The following DCAF8L2 variants were observed in gnomAD, a reference collection of about 807,000 sequenced individuals.
DCAF8L2 encodes the protein DDB1 and CUL4 associated factor 8 like 2, also known as DDB1- and CUL4-associated factor 8-like protein 2.
For missense variants in DCAF8L2, 430 were observed against 490.7 expected, an observed-to-expected ratio of 0.88 and a Z score of 1.17; for synonymous variants, 200 against 190.9, an observed-to-expected ratio of 1.05 and a Z score of -0.39.
intron 1 of DCAF8L2, among the ~76,000 whole-genome samples, chrX:27,596,190 T>C (rs143162345): frequency 1.1e-3 from 122 of 112,241 alleles, no homozygotes; most frequent in African/African-American, 3.7e-3. Context: ...GTTTTAATAA[T>C]GTTTATTTTG....
intron 2 of DCAF8L2, among the ~76,000 whole-genome samples, chrX:27,668,246 T>C (rs1329553872): frequency 1.8e-5 from 2 of 112,003 alleles, no homozygotes; most frequent in Admixed American, 9.5e-5. Context: ...CCAGCTAACA[T>C]GTTTGTCAGC....
At position 27,749,919 on chromosome X, in the gene DCAF8L2, A is replaced by G. The variant is rs1261221821; in HGVS notation, c.*1128A>G. Among the ~76,000 whole-genome samples the G allele has an allele frequency of 8.9e-6, 1 of 111,905 alleles. No individual in the cohort carries two copies. Among genetic ancestry groups the G allele is most frequent in the Non-Finnish European group, 1.9e-5 (1 of 53,259 alleles). The stretch of plus-strand genomic sequence containing the variant: ...GTACTGGATGTCCAATTACTGCTCA[A>G]TAAAAATATTTGTTTTTATTTTATA... On this transcript the variant is annotated 3_prime_UTR_variant, in exon 5 of 5. Coordinates refer to ENST00000451261, the MANE Select transcript of DCAF8L2 (RefSeq NM_001353450.2).
intron 1 of DCAF8L2, among the ~76,000 whole-genome samples, chrX:27,592,683 C>T (rs1188787128): frequency 3.6e-5 from 4 of 110,761 alleles, no homozygotes; most frequent in South Asian, 3.8e-4. Context: ...GTGATCTGCC[C>T]GCCTCAGCCT....
At chrX:27,609,618 C>T (rs1441866786) in intron 1 of DCAF8L2, among the ~76,000 whole-genome samples, 3 of 111,690 alleles carry the variant, frequency 2.7e-5, no homozygotes, top group Non-Finnish European at 5.6e-5. Flanking sequence ...TTCCCATTCT[C>T]AGGTCACTGG....
intron 4 of DCAF8L2, among the ~76,000 whole-genome samples, chrX:27,718,395 T>A (rs1307988665): frequency 8.9e-6 from 1 of 112,349 alleles, no homozygotes; most frequent in Non-Finnish European, 1.9e-5. Flanking sequence ...ACAATTTGTT[T>A]ATTCAATCAC....
the DCAF8L2 span, among the ~76,000 whole-genome samples, chrX:27,486,599 T>C: frequency 3.4e-4 from 38 of 111,803 alleles, no homozygotes; most frequent in Non-Finnish European, 5.5e-4. Context: ...CACACAAATC[T>C]CATTTTTGAA....
At chrX:27,566,996 G>C in the DCAF8L2 span, among the ~76,000 whole-genome samples, 1 of 111,416 alleles carries the variant, frequency 9.0e-6, no homozygotes, top group Non-Finnish European at 1.9e-5. Flanking sequence ...TTGTTCAAGA[G>C]TGTGTTGTTT....
chrX:27,591,799 A>G (rs953381488), intron 1 of DCAF8L2, among the ~76,000 whole-genome samples: 4 of 112,062 alleles, frequency 3.6e-5, no homozygotes, highest in African/African-American at 9.7e-5. Flanking sequence ...CTTTTTAACT[A>G]TGTCTGACTG....
chrX:27,509,884 A>G, the DCAF8L2 span, among the ~76,000 whole-genome samples: 1 of 111,990 alleles, frequency 8.9e-6, no homozygotes, highest in African/African-American at 3.2e-5. Flanking sequence ...AATAATATCT[A>G]TAAATAAAAG....
chrX:27,539,667 C>CA, the DCAF8L2 span, among the ~76,000 whole-genome samples: 1 of 111,063 alleles, frequency 9.0e-6, no homozygotes, highest in Non-Finnish European at 1.9e-5. Flanking sequence ...TGTGTGTATG[C>CA]ACACAGACAC....
At chrX:27,728,165 G>A (rs1434652897) in intron 4 of DCAF8L2, among the ~76,000 whole-genome samples, 1 of 111,205 alleles carries the variant, frequency 9.0e-6, no homozygotes, top group Non-Finnish European at 1.9e-5. Context: ...TGCACCTTAG[G>A]GAGGTTCAAC....
intron 3 of DCAF8L2, among the ~76,000 whole-genome samples, chrX:27,704,239 T>C (rs7472514): frequency 0.47 from 44,374 of 95,239 alleles, 9,336 homozygotes; most frequent in African/African-American, 0.6. Flanking sequence ...TGTACACACG[T>C]GCGCACATAC....
intron 1 of DCAF8L2, among the ~76,000 whole-genome samples, chrX:27,616,594 A>G (rs1428619285): frequency 8.9e-6 from 1 of 111,766 alleles, no homozygotes; most frequent in Non-Finnish European, 1.9e-5. Context: ...GTAACTAAAC[A>G]TAAAGCTTAA....
At chrX:27,669,033 C>T (rs1457970159) in intron 2 of DCAF8L2, among the ~76,000 whole-genome samples, 2 of 110,912 alleles carry the variant, frequency 1.8e-5, no homozygotes, top group Non-Finnish European at 3.8e-5. Flanking sequence ...AAGACATGTG[C>T]ACACAGATAG....
At chrX:27,611,386 G>A (rs780360138) in intron 1 of DCAF8L2, among the ~76,000 whole-genome samples, 23 of 108,052 alleles carry the variant, frequency 2.1e-4, no homozygotes, top group African/African-American at 3.4e-4. Flanking sequence ...TATATATGCC[G>A]TCATAGTGAA....
chrX:27,526,509 C>A, the DCAF8L2 span, among the ~76,000 whole-genome samples: 2 of 112,664 alleles, frequency 1.8e-5, no homozygotes, highest in African/African-American at 3.2e-5. Context: ...TCGTCTGAAG[C>A]CTTCTTCTCT....
At position 27,600,408 on chromosome X, in the gene DCAF8L2, T is replaced by TGTTTGA. The variant is rs796724754; in HGVS notation, c.-342+9973_-342+9978dup. ...ACCAAAAGAAAGACGTCTCAAACTT[T>TGTTTGA]GTTTGAGTTTTATAATAAAAATATG... On this transcript the variant is annotated intron_variant, in intron 1 of 4. Coordinates refer to ENST00000451261, the MANE Select transcript of DCAF8L2 (RefSeq NM_001353450.2). Among the ~76,000 whole-genome samples the TGTTTGA allele has an allele frequency of 9.8e-5, 11 of 111,867 alleles. No homozygotes were observed. The South Asian group carries it at 3.7e-3, about 38-fold the overall frequency.
At chrX:27,622,749 AT>A (rs1467657725) in intron 1 of DCAF8L2, among the ~76,000 whole-genome samples, 2 of 111,146 alleles carry the variant, frequency 1.8e-5, no homozygotes, top group Non-Finnish European at 3.8e-5. Flanking sequence ...AAAGAAGGAA[AT>A]AACTACCATA....
the DCAF8L2 span, among the ~76,000 whole-genome samples, chrX:27,502,377 T>TATATA: frequency 1.0e-3 from 74 of 72,912 alleles, no homozygotes; most frequent in South Asian, 4.1e-3. Flanking sequence ...TATATATATA[T>TATATA]TGGCTGTGCA....
Sources: allele counts gnomAD v4.1 joint callset (sites outside exome capture counted in the v4.1 genomes callset), GRCh38; gene constraint gnomAD v4.1.1; transcripts MANE v1.5; gene names NCBI Gene and HGNC (gene_info 2026-07-23, HGNC 2026-07-21).